The following BRINP3 variants were observed in gnomAD, a reference collection of about 807,000 sequenced individuals.
BRINP3 encodes the protein BMP/retinoic acid inducible neural specific 3, also known as BMP/retinoic acid-inducible neural-specific protein 3.
A neutral mutation model predicts 71.0 loss-of-function variants in BRINP3; 19 were observed. The observed-to-expected ratio is 0.27, with a 90% CI of 0.19 to 0.39. The LOEUF is 0.39. Among genes scored for constraint, BRINP3 ranks in the 10% least tolerant of loss-of-function variants. The pLI, the probability that BRINP3 is intolerant of heterozygous loss-of-function variation, is 1.00. For synonymous variants in BRINP3, 380 were observed against 337.7 expected, an observed-to-expected ratio of 1.13 and a Z score of -1.37; for missense variants, 959 against 940.8, an observed-to-expected ratio of 1.02 and a Z score of -0.25.
At chr1:190,174,751 A>C (rs1571910664) in intron 6 of BRINP3, among the ~76,000 whole-genome samples, 1 of 151,482 alleles carries the variant, frequency 6.6e-6, no homozygotes, top group South Asian at 2.1e-4. Context: ...CACCTAACAT[A>C]ATAAAGAGAA....
chr1:190,393,326 C>A (rs1193697050), intron 2 of BRINP3, among the ~76,000 whole-genome samples: 1 of 151,500 alleles, frequency 6.6e-6, no homozygotes, highest in Non-Finnish European at 1.5e-5. Context: ...CTATGCTAAC[C>A]CAACTTATTG....
intron 4 of BRINP3, among the ~76,000 whole-genome samples, chr1:190,239,181 G>T (rs1361208877): frequency 6.6e-6 from 1 of 152,056 alleles, no homozygotes; most frequent in Non-Finnish European, 1.5e-5. Context: ...ATCATGTGGG[G>T]ATTACATTTT....
intron 2 of BRINP3, among the ~76,000 whole-genome samples, chr1:190,295,372 C>G (rs6684241): frequency 0.01 from 1,593 of 152,244 alleles, 25 homozygotes; most frequent in African/African-American, 0.036. Context: ...CACAGGGATT[C>G]TCTCTCCACA....
chr1:190,188,979 C>T (rs1653792096), intron 6 of BRINP3, among the ~76,000 whole-genome samples: 1 of 152,100 alleles, frequency 6.6e-6, no homozygotes, highest in Non-Finnish European at 1.5e-5. Flanking sequence ...CCAGACTGGT[C>T]TCGAACTCCT....
intron 6 of BRINP3, among the ~76,000 whole-genome samples, chr1:190,218,874 G>T (rs1354520722): frequency 6.6e-6 from 1 of 151,960 alleles, no homozygotes; most frequent in Non-Finnish European, 1.5e-5. Context: ...CTTTCATTGT[G>T]TAATTTGTGT....
At chr1:190,260,262 C>T (rs1156268533) in intron 4 of BRINP3, among the ~76,000 whole-genome samples, 4 of 151,836 alleles carry the variant, frequency 2.6e-5, no homozygotes, top group Non-Finnish European at 5.9e-5. Context: ...ATTGTATCAC[C>T]TAGTGGAAAT....
chr1:190,339,028 A>G (rs1667477558), intron 2 of BRINP3, among the ~76,000 whole-genome samples: 1 of 150,898 alleles, frequency 6.6e-6, no homozygotes, highest in South Asian at 2.1e-4. Context: ...AAATAAATAA[A>G]TAAATAAATA....
chr1:190,269,434 C>A (rs1280844097), intron 3 of BRINP3, among the ~76,000 whole-genome samples: 1 of 151,908 alleles, frequency 6.6e-6, no homozygotes, highest in Non-Finnish European at 1.5e-5. Flanking sequence ...CAAGTAAAAC[C>A]AGATTTTTTC....
intron 2 of BRINP3, among the ~76,000 whole-genome samples, chr1:190,394,999 T>C (rs1671479860): frequency 6.6e-6 from 1 of 151,722 alleles, no homozygotes; most frequent in South Asian, 2.1e-4. Flanking sequence ...GGAAGTCTTG[T>C]ACATTGCACT....
intron 7 of BRINP3, among the ~76,000 whole-genome samples, chr1:190,149,625 T>TTG (rs71669261): frequency 0.12 from 17,443 of 146,510 alleles, 1,049 homozygotes; most frequent in African/African-American, 0.16. Flanking sequence ...TGTTGAGTAG[T>TTG]TGTGTGTGTG....
intron 6 of BRINP3, among the ~76,000 whole-genome samples, chr1:190,218,108 C>T (rs1019299127): frequency 7.3e-5 from 11 of 151,578 alleles, no homozygotes; most frequent in Admixed American, 2.0e-4. Flanking sequence ...TCAGAATTTT[C>T]AAAAACTATA....
chr1:190,476,573 C>A (rs1206132231), intron 1 of BRINP3, among the ~76,000 whole-genome samples: 1 of 152,130 alleles, frequency 6.6e-6, no homozygotes, highest in South Asian at 2.1e-4. Context: ...GCAAAAGGCA[C>A]TGACCATATT....
intron 4 of BRINP3, among the ~76,000 whole-genome samples, chr1:190,255,537 CT>C (rs2102835467): frequency 6.6e-6 from 1 of 152,172 alleles, no homozygotes; most frequent in Admixed American, 6.5e-5. Flanking sequence ...AGGAATTTGT[CT>C]ATTTCTTCTA....
intron 1 of BRINP3, among the ~76,000 whole-genome samples, 183 bp downstream of exon 1, chr1:190,477,265 A>G (rs1677560547): frequency 6.6e-6 from 1 of 152,194 alleles, no homozygotes; most frequent in African/African-American, 2.4e-5. Context: ...GGGGTAATAC[A>G]TTACATGGGT....
chr1:190,275,451 C>T (rs1190878078), intron 3 of BRINP3, among the ~76,000 whole-genome samples: 1 of 151,514 alleles, frequency 6.6e-6, no homozygotes, highest in Non-Finnish European at 1.5e-5. Context: ...ATTTGAGATT[C>T]TGCATTTCTA....
chr1:190,419,384 A>T (rs184538298), intron 2 of BRINP3, among the ~76,000 whole-genome samples: 1 of 152,082 alleles, frequency 6.6e-6, no homozygotes, highest in African/African-American at 2.4e-5. Flanking sequence ...ATGAATTTTA[A>T]GTTTAAATTA....
At chr1:190,282,960 G>C (rs1170449530) in intron 2 of BRINP3, among the ~76,000 whole-genome samples, 1 of 151,806 alleles carries the variant, frequency 6.6e-6, no homozygotes, top group East Asian at 1.9e-4. Context: ...TAAATTGCTT[G>C]GTGCAAGGAG....
intron 4 of BRINP3, among the ~76,000 whole-genome samples, chr1:190,241,937 T>A (rs1428787812): frequency 6.6e-6 from 1 of 151,654 alleles, no homozygotes; most frequent in Non-Finnish European, 1.5e-5. Context: ...TTTTTTCAAA[T>A]GTTAATATTG....
chr1:190,476,793 T>C (rs1170484410), intron 1 of BRINP3, among the ~76,000 whole-genome samples: 3 of 152,134 alleles, frequency 2.0e-5, no homozygotes, highest in Non-Finnish European at 4.4e-5. Flanking sequence ...TACTGACAAA[T>C]ACTATGCCTG....
Sources: gnomAD v4.1 joint callset for allele counts (sites outside exome capture counted in the v4.1 genomes callset) on GRCh38, gnomAD v4.1.1 for gene constraint, MANE v1.5 for transcripts, NCBI Gene and HGNC (gene_info 2026-07-23, HGNC 2026-07-21) for gene names.